Variants in IPO5 observed in about 807,000 individuals in gnomAD.
IPO5 encodes importin 5, also known as importin-5.
Under a neutral mutation model 143.3 loss-of-function variants are expected in IPO5, and 18 were observed. The ratio of observed to expected loss-of-function variants is 0.13; its 90% CI spans 0.09 to 0.19. The LOEUF is 0.19. Among genes scored for constraint, IPO5 ranks in the 10% least tolerant of loss-of-function variants. IPO5 has a pLI of 1.00. For synonymous variants in IPO5, 477 were observed against 465.7 expected (o/e 1.02, Z -0.31); for missense variants, 1,013 against 1,336.9 (o/e 0.76, Z 3.78).
chr13:98,013,075 G>C (rs1157610619), intron 21 of IPO5, among the ~76,000 whole-genome samples: 1 of 151,948 alleles, frequency 6.6e-6, no homozygotes, highest in Non-Finnish European at 1.5e-5. Flanking sequence ...ATTCTTTTTT[G>C]ACACAGGGTC....
In IPO5 at chr13:97,997,568, A is replaced by C. The variant is rs1243043060; in HGVS notation, c.951A>C (p.Glu317Asp). 12 of 1,610,816 alleles carry C rather than the reference A, an allele frequency of 7.4e-6. No homozygotes were observed. Among genetic ancestry groups the C allele is most frequent in the Non-Finnish European group, 1.0e-5 (12 of 1,177,472 alleles). ...QMLAMMVDLE[E>D]DEDWANADEL... ...TAGCAATGATGGTTGATTTGGAAGA[A>C]GATGAGGACTGGGCAAATGCAGATG... The change falls in exon 12 of 29, where the codon GAA becomes GAC. Residue 317 changes from glutamate (E) to aspartate (D), a missense_variant. Glu to Asp is a conservative substitution (Grantham distance 45). Transcript: ENST00000651721.
chr13:97,972,830 A>T (rs1885931984), intron 3 of IPO5, among the ~76,000 whole-genome samples: 1 of 152,046 alleles, frequency 6.6e-6, no homozygotes, highest in Admixed American at 6.6e-5. Flanking sequence ...TATACTTTTT[A>T]TTATCCCCAT....
At chr13:97,970,448 G>A (rs9517151) in intron 3 of IPO5, among the ~76,000 whole-genome samples, 7,498 of 151,968 alleles carry the variant, frequency 0.049, 449 homozygotes, top group East Asian at 0.32. Context: ...GTGAAACCCC[G>A]TCTCTACTAA....
In IPO5 at chr13:98,003,140, G is replaced by T; in HGVS notation, c.1497+103G>T. ...GAGGGACTTGCAGCATGACCATAAA[G>T]AATATAAAGTACAAAAACTGAGGAG... On this transcript the variant is annotated intron_variant, in intron 16 of 28. Coordinates refer to ENST00000651721, the MANE Select transcript of IPO5 (RefSeq NM_002271.6). The T allele has an allele frequency of 3.3e-6, 3 of 899,208 alleles. No homozygotes were observed. In the East Asian group the frequency reaches 7.3e-5, roughly 22 times the overall value. 55.7% of individuals were successfully genotyped at this position (899,208 alleles called of 1,614,324 possible). A position where few individuals can be genotyped will look rare whatever the true frequency, so the allele number is the denominator to read the frequency against.
intron 12 of IPO5, 63 bp downstream of exon 12, chr13:97,997,681 A>C: frequency 9.6e-6 from 9 of 933,782 alleles, no homozygotes; most frequent in Non-Finnish European, 1.5e-5. Flanking sequence ...CCATCTCTTC[A>C]CTATTGCACC....
chr13:97,954,580 C>G (rs1835426905), intron 2 of IPO5, among the ~76,000 whole-genome samples: 1 of 152,098 alleles, frequency 6.6e-6, no homozygotes, highest in Non-Finnish European at 1.5e-5. Flanking sequence ...TGAAGGAAAA[C>G]AGAATTCATT....
chr13:97,976,967 C>T, intron 4 of IPO5, 181 bp downstream of exon 4: 1 of 174,756 alleles, frequency 5.7e-6, no homozygotes, highest in Non-Finnish European at 1.2e-5. Flanking sequence ...CCGGGCTTTT[C>T]CGGCCATTGC....
Position 97,976,735 on chromosome 13 carries a change from G to A in IPO5, c.39G>A (p.Leu13=). The change falls in exon 4 of 29, where the codon CTG becomes CTA. Residue 13 remains leucine, a synonymous_variant. Coordinates refer to ENST00000651721, the MANE Select transcript of IPO5 (RefSeq NM_002271.6). The part of the protein sequence containing the change: ...AAAAEQQQFY[L]LLGNLLSPDN... ...CGGCGGAGCAGCAACAGTTCTACCT[G>A]CTCCTGGGAAACCTGCTCAGCCCCG... The A allele has an allele frequency of 1.4e-6, 2 of 1,416,066 alleles. No homozygotes were observed. The highest frequency in any genetic ancestry group is 1.9e-6 in the Non-Finnish European group (2 of 1,060,840). The allele number at this position is 1,416,066 out of a possible 1,614,324, so 87.7% of individuals were successfully genotyped here.
At chr13:98,015,404 A>G (rs1246762236) in intron 22 of IPO5, 126 bp from the exon 23 acceptor site, 3 of 632,162 alleles carry the variant, frequency 4.7e-6, no homozygotes, top group Admixed American at 3.0e-5. Context: ...CAAGCTAAGC[A>G]TATGTAAATA....
chr13:98,005,140 G>T (rs192591759), intron 16 of IPO5, among the ~76,000 whole-genome samples: 1 of 149,812 alleles, frequency 6.7e-6, no homozygotes, highest in Non-Finnish European at 1.5e-5. Context: ...CAAGTCATCC[G>T]CCCACCTGGG....
intron 12 of IPO5, 31 bp from the exon 13 acceptor site, chr13:98,000,508 A>G: frequency 7.4e-7 from 1 of 1,347,932 alleles, no homozygotes. Context: ...TTTCAGATAT[A>G]TTGAGTACAT....
intron 4 of IPO5, among the ~76,000 whole-genome samples, chr13:97,980,509 T>G (rs1381035219): frequency 2.6e-5 from 4 of 152,140 alleles, no homozygotes; most frequent in African/African-American, 9.7e-5. Flanking sequence ...GGATTTATAT[T>G]AGGTTTTCTG....
At chr13:98,014,499 TC>T in intron 22 of IPO5, among the ~76,000 whole-genome samples, 1 of 152,314 alleles carries the variant, frequency 6.6e-6, no homozygotes, top group East Asian at 1.9e-4. Context: ...CCTCAGGTGA[TC>T]CACCTCGGCC....
At chr13:98,015,671 A>G (rs1890077297) in intron 23 of IPO5, 30 bp downstream of exon 23, 3 of 1,581,942 alleles carry the variant, frequency 1.9e-6, no homozygotes, top group Non-Finnish European at 2.6e-6. Context: ...ATTTCTGAAT[A>G]TAATCCTTGA....
chr13:98,018,116 T>G (rs982060607), intron 25 of IPO5, among the ~76,000 whole-genome samples: 1 of 152,258 alleles, frequency 6.6e-6, no homozygotes, highest in Non-Finnish European at 1.5e-5. Flanking sequence ...ACTTAGCCTG[T>G]TGAATAAATG....
chr13:97,956,829 T>C (rs1427388627), intron 2 of IPO5, among the ~76,000 whole-genome samples: 1 of 152,152 alleles, frequency 6.6e-6, no homozygotes, highest in East Asian at 1.9e-4. Flanking sequence ...CATAACATAA[T>C]GGGATCCCTT....
At chr13:97,988,911 G>T in intron 6 of IPO5, 151 bp from the exon 7 acceptor site, 1 of 487,282 alleles carries the variant, frequency 2.1e-6, no homozygotes, top group East Asian at 3.4e-5. Flanking sequence ...TATGGCTAAA[G>T]GACAGAATTT....
At chr13:98,012,826 T>TTTTTTTTTTTTTTTTTTG in intron 21 of IPO5, among the ~76,000 whole-genome samples, 1 of 107,452 alleles carries the variant, frequency 9.3e-6, no homozygotes, top group Non-Finnish European at 1.9e-5. Flanking sequence ...TTTTTTTTTT[T>TTTTTTTTTTTTTTTTTTG]TAAGAGATAA....
chr13:97,994,136 G>A (rs1267488211), intron 11 of IPO5, among the ~76,000 whole-genome samples: 4 of 152,064 alleles, frequency 2.6e-5, no homozygotes, highest in African/African-American at 9.7e-5. Flanking sequence ...CTAAAACCCC[G>A]TTTCTACTAA....
Sources: gnomAD v4.1 joint callset for allele counts (sites outside exome capture counted in the v4.1 genomes callset) on GRCh38, gnomAD v4.1.1 for gene constraint, MANE v1.5 for transcripts, NCBI Gene and HGNC (gene_info 2026-07-23, HGNC 2026-07-21) for gene names.